Variants in SCRG1 observed in about 807,000 individuals in gnomAD.
SCRG1 encodes scrapie-responsive protein 1.
A neutral mutation model predicts 7.7 loss-of-function variants in SCRG1; 3 were observed. The observed-to-expected ratio is 0.39, with a 90% CI of 0.18 to 1.01. SCRG1 has a LOEUF of 1.01. SCRG1 is among the 50% of genes least tolerant of loss of function. SCRG1 has a pLI of 0.36. For synonymous variants in SCRG1, 46 were observed against 41.2 expected (o/e 1.12, Z -0.44); for missense variants, 110 against 117.2 (o/e 0.94, Z 0.28).
the SCRG1 span, among the ~76,000 whole-genome samples, chr4:173,476,363 A>AAATAT: frequency 2.6e-4 from 26 of 98,508 alleles, no homozygotes; most frequent in African/African-American, 7.7e-4. Context: ...GGAAAAAAAA[A>AAATAT]ATATATATAT....
At chr4:173,483,023 T>C in the SCRG1 span, among the ~76,000 whole-genome samples, 1 of 129,146 alleles carries the variant, frequency 7.7e-6, no homozygotes, top group East Asian at 2.1e-4. Context: ...ATATAATTTA[T>C]ATGTAATATA....
At chr4:173,403,105 A>G (rs939948443), upstream of SCRG1, 8 of 152,178 alleles carry the variant, frequency 5.3e-5, no homozygotes, top group African/African-American at 1.9e-4. Context: ...AGTGGGTTGA[A>G]CAACATAACC....
exon 2 of SCRG1, chr4:173,404,329 G>C (rs567769549): frequency 6.6e-6 from 1 of 152,190 alleles, no homozygotes; most frequent in Admixed American, 6.5e-5. Flanking sequence ...CCACAGAGTC[G>C]TCTCTCTTTT....
the SCRG1 span, among the ~76,000 whole-genome samples, chr4:173,436,023 C>T: frequency 6.6e-6 from 1 of 152,106 alleles, no homozygotes; most frequent in African/African-American, 2.4e-5. Context: ...AATACACTGG[C>T]ACAATGATTT....
the SCRG1 span, among the ~76,000 whole-genome samples, chr4:173,476,363 A>AAAAAAAAAATATATATATATATATAT: frequency 1.8e-4 from 18 of 98,480 alleles, no homozygotes; most frequent in East Asian, 3.6e-4. Context: ...GGAAAAAAAA[A>AAAAAAAAAATATATATATATATATAT]ATATATATAT....
upstream of SCRG1, chr4:173,404,010 G>C (rs1430488770): frequency 6.6e-6 from 1 of 152,588 alleles, no homozygotes; most frequent in South Asian, 2.1e-4. Context: ...GCTATTAACT[G>C]CATTGCCAAG....
chr4:173,468,522 T>A, the SCRG1 span: 1 of 152,214 alleles, frequency 6.6e-6, no homozygotes, highest in Non-Finnish European at 1.5e-5. Context: ...AAGAGCACCC[T>A]CTGGCCCTTT....
chr4:173,389,937 C>T (rs1739376253), intron 2 of SCRG1: 3 of 317,676 alleles, frequency 9.4e-6, no homozygotes, highest in Non-Finnish European at 1.4e-5. Flanking sequence ...ATGAAATATC[C>T]AAGACCATGG....
chr4:173,519,108 AGAG>A, the SCRG1 span, among the ~76,000 whole-genome samples: 1 of 151,852 alleles, frequency 6.6e-6, no homozygotes, highest in African/African-American at 2.4e-5. Flanking sequence ...GAAGATGCTC[AGAG>A]GAGGAGTAAA....
chr4:173,415,954 G>C, the SCRG1 span, among the ~76,000 whole-genome samples: 1 of 152,198 alleles, frequency 6.6e-6, no homozygotes, highest in Non-Finnish European at 1.5e-5. Context: ...TGAAAAAAAG[G>C]CTGATTGTCA....
chr4:173,439,528 T>C, the SCRG1 span, among the ~76,000 whole-genome samples: 1 of 151,642 alleles, frequency 6.6e-6, no homozygotes, highest in Non-Finnish European at 1.5e-5. Context: ...AAAAAAAAGA[T>C]TTTTTAATAT....
chr4:173,423,810 T>C, the SCRG1 span, among the ~76,000 whole-genome samples: 16 of 152,210 alleles, frequency 1.1e-4, no homozygotes, highest in African/African-American at 3.9e-4. Context: ...ATTTGGCTTA[T>C]GGTTCTGGAG....
At chr4:173,517,035 G>A in the SCRG1 span, among the ~76,000 whole-genome samples, 1 of 152,236 alleles carries the variant, frequency 6.6e-6, no homozygotes, top group African/African-American at 2.4e-5. Flanking sequence ...AAGTCTACAG[G>A]GGAGGGAGAG....
chr4:173,432,735 C>CT, the SCRG1 span, among the ~76,000 whole-genome samples: 1,939 of 152,260 alleles, frequency 0.013, 46 homozygotes, highest in African/African-American at 0.044. Flanking sequence ...AGTAGAGTTT[C>CT]TTTTTACCTT....
the SCRG1 span, among the ~76,000 whole-genome samples, chr4:173,503,724 T>G: frequency 2.0e-5 from 3 of 152,326 alleles, no homozygotes; most frequent in East Asian, 5.8e-4. This position sits in a 1 kb window ranked among gnomAD's most constrained non-coding sequence, Gnocchi z 6.4. Context: ...AACCCAGATG[T>G]GCCTGACTCT....
rs938546812 is a variant in SCRG1, at chr4:173,388,184, A to G, written c.*157T>C. ...AAATTAGATTGAATTAACTTTTATTACTACTTGTTTAACACAGATTTACTT... is the reference window on the plus strand; with the variant it reads ...AAATTAGATTGAATTAACTTTTATTGCTACTTGTTTAACACAGATTTACTT... On this transcript the variant is annotated 3_prime_UTR_variant, in exon 3 of 3. Transcript: ENST00000296506. 2.0e-6 allele frequency: 1 copy of G among 488,614 alleles called. No homozygotes were observed. The highest frequency in any genetic ancestry group is 3.6e-6 in the Non-Finnish European group (1 of 278,486). The allele number at this position is 488,614 out of a possible 1,614,324, so 30.3% of individuals were successfully genotyped here.
chr4:173,464,446 C>T, the SCRG1 span, among the ~76,000 whole-genome samples: 1 of 152,100 alleles, frequency 6.6e-6, no homozygotes, highest in Middle Eastern at 3.2e-3. Flanking sequence ...CCAAATTAAC[C>T]AAACATTGTG....
the SCRG1 span, among the ~76,000 whole-genome samples, chr4:173,443,901 C>T: frequency 6.0e-5 from 9 of 149,962 alleles, no homozygotes; most frequent in African/African-American, 2.0e-4. Flanking sequence ...GTCATATATA[C>T]TGTTAGCTTT....
At chr4:173,492,178 A>G in the SCRG1 span, among the ~76,000 whole-genome samples, 4 of 151,658 alleles carry the variant, frequency 2.6e-5, no homozygotes, top group Admixed American at 6.5e-5. Context: ...AAAATCAAGT[A>G]TCAAAACAGG....
Sources: allele counts gnomAD v4.1 joint callset (sites outside exome capture counted in the v4.1 genomes callset), GRCh38; gene constraint gnomAD v4.1.1; non-coding constraint Gnocchi (gnomAD v3.1); transcripts MANE v1.5; gene names NCBI Gene and HGNC (gene_info 2026-07-23, HGNC 2026-07-21).